The following SPC25 variants were observed in gnomAD, a reference collection of about 807,000 sequenced individuals.
The protein encoded by SPC25 is SPC25 component of NDC80 kinetochore complex, also known as kinetochore protein Spc25.
In SPC25, 22 loss-of-function variants were observed where a neutral mutation model predicts 29.6. The ratio of observed to expected loss-of-function variants is 0.74; its 90% CI spans 0.53 to 1.06. The LOEUF (loss-of-function observed/expected upper bound fraction) is 1.06, where lower values mean the gene tolerates loss of function less well. SPC25 is among the 50% of genes least tolerant of loss of function. The probability of loss-of-function intolerance (pLI) is 0.00; values close to 1 mark genes in which losing one functional copy is unlikely to be tolerated. For missense variants in SPC25, 230 were observed against 255.8 expected (o/e 0.90, Z 0.69); for synonymous variants, 91 against 90.4 (o/e 1.01, Z -0.04).
chr2:168,870,685 A>G (rs1426199677), downstream of SPC25, among the ~76,000 whole-genome samples: 1 of 151,360 alleles, frequency 6.6e-6, no homozygotes, highest in Non-Finnish European at 1.5e-5. Context: ...TAGAATGGCA[A>G]TCATTAAAAA....
chr2:168,870,454 CT>C (rs1392151848), downstream of SPC25, among the ~76,000 whole-genome samples: 2 of 150,430 alleles, frequency 1.3e-5, no homozygotes, highest in Non-Finnish European at 1.5e-5. Flanking sequence ...TTGCAACCTA[CT>C]CATCTGACAA....
At chr2:168,867,997 AAACT>A (rs1291694267), downstream of SPC25, among the ~76,000 whole-genome samples, 1 of 152,238 alleles carries the variant, frequency 6.6e-6, no homozygotes, top group East Asian at 1.9e-4. Flanking sequence ...AAATTATAAC[AAACT>A]GTCTCTCAGA....
intron 6 of SPC25, 134 bp downstream of exon 6, chr2:168,873,451 C>A: frequency 1.7e-6 from 1 of 599,468 alleles, no homozygotes; most frequent in East Asian, 2.8e-5. Flanking sequence ...AGACTATACT[C>A]CAAGAAGCAA....
chr2:168,864,363 T>G (rs990725426), intron 4 of SPC25, among the ~76,000 whole-genome samples: 1 of 151,446 alleles, frequency 6.6e-6, no homozygotes, highest in African/African-American at 2.4e-5. Flanking sequence ...CTCAGCTCAC[T>G]GCAACCTCTG....
downstream of SPC25, among the ~76,000 whole-genome samples, chr2:168,866,445 T>A (rs1378259020): frequency 6.6e-6 from 1 of 152,266 alleles, no homozygotes; most frequent in African/African-American, 2.4e-5. Context: ...TGAAACTGGA[T>A]CCCTTCCTTA....
intron 6 of SPC25, among the ~76,000 whole-genome samples, chr2:168,872,777 A>G (rs1283825061): frequency 2.0e-5 from 3 of 152,176 alleles, no homozygotes; most frequent in African/African-American, 7.2e-5. Flanking sequence ...TCTAGAGAGA[A>G]AAAAACCCAA....
chr2:168,890,300 G>A lies in SPC25; in HGVS notation c.-15+18C>T. On this transcript the variant is annotated intron_variant, in intron 1 of 6. Transcript: ENST00000282074. ...ACAGGGGGGCCAAGGAGCCCAGCTCGGCGCCCAACTCCCTTACCTTCGCAG... is the reference window on the plus strand; with the variant it reads ...ACAGGGGGGCCAAGGAGCCCAGCTCAGCGCCCAACTCCCTTACCTTCGCAG... The A allele has an allele frequency of 1.0e-6, 1 of 981,582 alleles. No individual in the cohort carries two copies. The highest frequency in any genetic ancestry group is 1.2e-6 in the Non-Finnish European group (1 of 826,452). The allele number at this position is 981,582 out of a possible 1,614,324, so 60.8% of individuals were successfully genotyped here. A position where few individuals can be genotyped will look rare whatever the true frequency, so the allele number is the denominator to read the frequency against.
intron 3 of SPC25, among the ~76,000 whole-genome samples, chr2:168,879,732 C>T (rs777288449): frequency 5.9e-5 from 9 of 152,184 alleles, no homozygotes; most frequent in Non-Finnish European, 1.0e-4. Flanking sequence ...CCAGATCTAT[C>T]AGAGTTAATC....
chr2:168,885,575 T>C (rs529511316), intron 3 of SPC25, among the ~76,000 whole-genome samples: 2 of 152,326 alleles, frequency 1.3e-5, no homozygotes, highest in East Asian at 3.9e-4. Flanking sequence ...CAACGAGTTC[T>C]TCCAGCCACT....
intron 4 of SPC25, chr2:168,865,143 A>G: frequency 1.4e-6 from 1 of 703,286 alleles, no homozygotes; most frequent in Non-Finnish European, 2.3e-6. Flanking sequence ...AGTCAGAAAA[A>G]AGATGGATGG....
intron 3 of SPC25, among the ~76,000 whole-genome samples, chr2:168,883,149 G>A (rs1477445860): frequency 6.6e-6 from 1 of 151,476 alleles, no homozygotes; most frequent in African/African-American, 2.4e-5. Context: ...TTTAAAATAT[G>A]GTATATCGAT....
At chr2:168,887,722 T>C (rs1690294850) in intron 3 of SPC25, among the ~76,000 whole-genome samples, 1 of 152,230 alleles carries the variant, frequency 6.6e-6, no homozygotes, top group Non-Finnish European at 1.5e-5. Context: ...TGGTTTACTC[T>C]GGACAACCTG....
downstream of SPC25, among the ~76,000 whole-genome samples, chr2:168,870,548 G>C (rs527330693): frequency 3.9e-5 from 6 of 151,970 alleles, no homozygotes; most frequent in African/African-American, 1.2e-4. Context: ...GTGGGCGAAG[G>C]ATATGAACAG....
chr2:168,870,718 A>G (rs1689963167), downstream of SPC25, among the ~76,000 whole-genome samples: 1 of 151,472 alleles, frequency 6.6e-6, no homozygotes, highest in Admixed American at 6.6e-5. Flanking sequence ...CAGGTGCTGG[A>G]GAGGATGTGG....
chr2:168,877,089 G>C, intron 4 of SPC25, 149 bp downstream of exon 4: 2 of 685,226 alleles, frequency 2.9e-6, no homozygotes, highest in Non-Finnish European at 4.6e-6. Context: ...TAACTTTAAT[G>C]ACATCTTGCA....
chr2:168,886,156 C>A (rs185031022), intron 3 of SPC25, among the ~76,000 whole-genome samples: 1 of 148,566 alleles, frequency 6.7e-6, no homozygotes, highest in Non-Finnish European at 1.5e-5. Flanking sequence ...TGGGCTCAAG[C>A]GATCCTCCTG....
downstream of SPC25, among the ~76,000 whole-genome samples, chr2:168,869,065 T>G (rs1158354405): frequency 1.3e-5 from 2 of 152,162 alleles, no homozygotes; most frequent in Non-Finnish European, 2.9e-5. Context: ...CGAAAATCAA[T>G]AAACGTAATC....
chr2:168,888,097 G>C (rs1302383108), intron 3 of SPC25, among the ~76,000 whole-genome samples: 2 of 152,092 alleles, frequency 1.3e-5, no homozygotes, highest in Non-Finnish European at 2.9e-5. Flanking sequence ...TGCACAATAT[G>C]GTGAAACCCC....
downstream of SPC25, among the ~76,000 whole-genome samples, chr2:168,869,679 T>C (rs1325749771): frequency 6.6e-6 from 1 of 152,112 alleles, no homozygotes; most frequent in Non-Finnish European, 1.5e-5. Context: ...CAAGGAGAAC[T>C]ACAACCACTG....
Sources: allele counts gnomAD v4.1 joint callset (sites outside exome capture counted in the v4.1 genomes callset), GRCh38; gene constraint gnomAD v4.1.1; transcripts MANE v1.5; gene names NCBI Gene and HGNC (gene_info 2026-07-23, HGNC 2026-07-21).